Variants in SLC27A2 observed in about 807,000 individuals in gnomAD.
SLC27A2 encodes the protein long-chain fatty acid transport protein 2.
A neutral mutation model predicts 60.0 loss-of-function variants in SLC27A2; 54 were observed. The ratio of observed to expected loss-of-function variants is 0.90; its 90% CI spans 0.72 to 1.13. The LOEUF (loss-of-function observed/expected upper bound fraction) is 1.13, where lower values mean the gene tolerates loss of function less well. Among genes scored for constraint, SLC27A2 ranks in the 50% most tolerant of loss-of-function variants. SLC27A2 has a pLI of 0.00. For missense variants in SLC27A2, 739 were observed against 777.6 expected (o/e 0.95, Z 0.59); for synonymous variants, 297 against 297.6 (o/e 1.00, Z 0.02).
intron 9 of SLC27A2, among the ~76,000 whole-genome samples, chr15:50,234,800 T>G (rs2045339667): frequency 6.6e-6 from 1 of 152,030 alleles, no homozygotes; most frequent in Admixed American, 6.6e-5. Context: ...AATCCAATCC[T>G]AATCCCTTTC....
chr15:50,208,009 A>G (rs61699649), intron 4 of SLC27A2, among the ~76,000 whole-genome samples: 1 of 151,816 alleles, frequency 6.6e-6, no homozygotes, highest in Non-Finnish European at 1.5e-5. Context: ...GGCCTGGATC[A>G]ATGTAATCAG....
At chr15:50,193,281 G>A (rs1440174454) in intron 1 of SLC27A2, among the ~76,000 whole-genome samples, 2 of 152,272 alleles carry the variant, frequency 1.3e-5, no homozygotes, top group African/African-American at 4.8e-5. Context: ...TTCCCCTGTT[G>A]TGACACCTGT....
At chr15:50,225,488 A>G (rs1431154901) in intron 5 of SLC27A2, among the ~76,000 whole-genome samples, 1 of 152,224 alleles carries the variant, frequency 6.6e-6, no homozygotes, top group African/African-American at 2.4e-5. Flanking sequence ...AAGGTTATAC[A>G]AGATTTTAAA....
chr15:50,218,781 A>G (rs569611037), intron 4 of SLC27A2, among the ~76,000 whole-genome samples: 1 of 152,214 alleles, frequency 6.6e-6, no homozygotes, highest in South Asian at 2.1e-4. Context: ...AAACAGAATG[A>G]AAAAAAAGCA....
chr15:50,226,065 C>CA lies in SLC27A2; in HGVS notation c.1246dup (p.Arg416LysfsTer6), dbSNP rs1381778648. The CA allele has an allele frequency of 6.2e-7, 1 of 1,606,028 alleles. No homozygotes were observed. Among genetic ancestry groups the CA allele is most frequent in the Admixed American group, 1.7e-5 (1 of 59,988 alleles). On this transcript the variant is annotated frameshift_variant, in exon 6 of 10. Coordinates refer to ENST00000267842, the MANE Select transcript of SLC27A2 (RefSeq NM_003645.4). LOFTEE classifies it high-confidence loss of function. ...TCCGTGATGAAAATGGATATTGCGT[C>CA]AGAGTTCCCAAAGGTACAGTGGACT...
chr15:50,210,267 A>T (rs2045144487), intron 4 of SLC27A2, among the ~76,000 whole-genome samples: 1 of 152,196 alleles, frequency 6.6e-6, no homozygotes, highest in South Asian at 2.1e-4. Flanking sequence ...AGACCCTCTG[A>T]AAGAAGTGGA....
Position 50,226,081 on chromosome 15 carries a change from A to G in SLC27A2, c.1258+3A>G. The G allele has an allele frequency of 6.3e-7, 1 of 1,586,078 alleles. No individual in the cohort carries two copies. On this transcript the variant is annotated splice_donor_region_variant and intron_variant, in intron 6 of 9. Coordinates refer to ENST00000267842, the MANE Select transcript of SLC27A2 (RefSeq NM_003645.4). ...ATATTGCGTCAGAGTTCCCAAAGGT[A>G]CAGTGGACTTTTGTTCAATCAACCT...
intron 9 of SLC27A2, among the ~76,000 whole-genome samples, chr15:50,234,380 G>A (rs1183196328): frequency 6.6e-6 from 1 of 152,060 alleles, no homozygotes; most frequent in African/African-American, 2.4e-5. Context: ...CTGAGGTCGG[G>A]GGTTCGAGAT....
intron 8 of SLC27A2, 25 bp downstream of exon 8, chr15:50,229,067 C>CG (rs1221590668): frequency 7.8e-7 from 1 of 1,283,844 alleles, no homozygotes; most frequent in East Asian, 2.4e-5. Flanking sequence ...TGATCTGTAC[C>CG]TAACCCATAG....
At chr15:50,191,450 A>G (rs2044973661) in intron 1 of SLC27A2, among the ~76,000 whole-genome samples, 1 of 152,238 alleles carries the variant, frequency 6.6e-6, no homozygotes, top group Non-Finnish European at 1.5e-5. Flanking sequence ...GTGAAGGCAC[A>G]GCCTACCTCC....
intron 3 of SLC27A2, among the ~76,000 whole-genome samples, chr15:50,204,233 G>A (rs1363711959): frequency 6.6e-6 from 1 of 152,194 alleles, no homozygotes; most frequent in Non-Finnish European, 1.5e-5. Flanking sequence ...GGGAGGTTGA[G>A]GTGGGCGAAT....
In SLC27A2 at chr15:50,197,731, T is replaced by C. The variant is rs1466250201; in HGVS notation, c.688+22T>C. 2.6e-6 allele frequency: 4 copies of C among 1,564,768 alleles called. No individual in the cohort carries two copies. In the South Asian group the frequency reaches 4.5e-5, roughly 17 times the overall value. ...ACAGGTAAAAATAAAGGGGGGATTC[T>C]CCAAAAAAATTAATCTGAAGGAGTT... On this transcript the variant is annotated intron_variant, in intron 2 of 9. Coordinates refer to ENST00000267842, the MANE Select transcript of SLC27A2 (RefSeq NM_003645.4).
chr15:50,226,121 C>A, intron 6 of SLC27A2, 43 bp downstream of exon 6: 2 of 1,238,942 alleles, frequency 1.6e-6, no homozygotes, highest in Non-Finnish European at 2.4e-6. Context: ...CCCTTCTTAT[C>A]TTGATCAAGT....
intron 4 of SLC27A2, among the ~76,000 whole-genome samples, chr15:50,211,017 G>C (rs2045150664): frequency 6.6e-6 from 1 of 152,202 alleles, no homozygotes; most frequent in African/African-American, 2.4e-5. Flanking sequence ...GACAGGCCTA[G>C]CCCTGGCCCC....
intron 4 of SLC27A2, among the ~76,000 whole-genome samples, chr15:50,218,155 A>G (rs187956691): frequency 6.6e-6 from 1 of 152,146 alleles, no homozygotes; most frequent in East Asian, 1.9e-4. Flanking sequence ...GTATCCATAA[A>G]ACAAGAATAG....
intron 4 of SLC27A2, among the ~76,000 whole-genome samples, chr15:50,208,779 A>G (rs1021357239): frequency 1.3e-5 from 2 of 152,170 alleles, no homozygotes; most frequent in African/African-American, 4.8e-5. Flanking sequence ...AATATTTTCT[A>G]TTTTGCCGTC....
intron 4 of SLC27A2, among the ~76,000 whole-genome samples, chr15:50,207,571 T>C (rs546751304): frequency 6.6e-6 from 1 of 151,960 alleles, no homozygotes; most frequent in East Asian, 1.9e-4. Flanking sequence ...GGGCAGATCA[T>C]TCAAGGTCAG....
intron 4 of SLC27A2, among the ~76,000 whole-genome samples, chr15:50,219,336 C>T (rs541614806): frequency 1.3e-5 from 2 of 152,190 alleles, no homozygotes; most frequent in East Asian, 1.9e-4. Context: ...AGGTAGATGG[C>T]GTGAATACAG....
At chr15:50,194,138 C>T (rs991194065) in intron 1 of SLC27A2, among the ~76,000 whole-genome samples, 1 of 151,942 alleles carries the variant, frequency 6.6e-6, no homozygotes, top group Non-Finnish European at 1.5e-5. Context: ...AGAGCAGGAC[C>T]CTGTCTCTAA....
Sources: gnomAD v4.1 joint callset for allele counts (sites outside exome capture counted in the v4.1 genomes callset) on GRCh38, gnomAD v4.1.1 for gene constraint, MANE v1.5 for transcripts, NCBI Gene and HGNC (gene_info 2026-07-23, HGNC 2026-07-21) for gene names.